The following LIPA variants were observed in gnomAD, a reference collection of about 807,000 sequenced individuals.
The protein encoded by LIPA is lysosomal acid lipase/cholesteryl ester hydrolase.
LIPA carries 26 observed loss-of-function variants against 40.6 expected under a neutral mutation model. The ratio of observed to expected loss-of-function variants is 0.64; its 90% CI spans 0.47 to 0.89. The LOEUF (loss-of-function observed/expected upper bound fraction) is 0.89. LIPA is among the 40% of genes least tolerant of loss of function. The pLI is 0.00. For missense variants in LIPA, 455 were observed against 479.6 expected, an observed-to-expected ratio of 0.95 and a Z score of 0.48; for synonymous variants, 188 against 168.4, an observed-to-expected ratio of 1.12 and a Z score of -0.90.
At chr10:89,412,533 G>T (rs1207208050) in intron 2 of LIPA, 1 of 180,214 alleles carries the variant, frequency 5.5e-6, no homozygotes, top group African/African-American at 2.4e-5. Flanking sequence ...ACCTGCTCGG[G>T]TCTGCTTCCA....
At position 89,304,994 on chromosome 10, in the gene LIPA, C is replaced by CA. The variant is rs199712421; in HGVS notation, c.-2+37616dup. On this transcript the variant is annotated intron_variant, in intron 1 of 5. Transcript: ENST00000282673. ...AACCCAGAAGAGAAAAATAAAATTT[C>CA]AAAAAAAAAATTAAAACAATAAAGT... Among the ~76,000 whole-genome samples, 51 of 123,592 alleles carry CA rather than the reference C, an allele frequency of 4.1e-4. 1 individual carries two copies. The highest frequency in any genetic ancestry group is 2.3e-3 in the Admixed American group (28 of 12,228). 81.1% of individuals were successfully genotyped at this position (123,592 alleles called of 152,430 possible). A position where few individuals can be genotyped will look rare whatever the true frequency, so the allele number is the denominator to read the frequency against.
intron 2 of LIPA, among the ~76,000 whole-genome samples, chr10:89,362,085 GTAGAGC>G (rs1844025920): frequency 6.6e-6 from 1 of 151,312 alleles, no homozygotes; most frequent in African/African-American, 2.4e-5. Context: ...TGCATTTTTT[GTAGAGC>G]TAGAGTTTTG....
intron 1 of LIPA, among the ~76,000 whole-genome samples, chr10:89,268,731 C>T (rs1211768676): frequency 2.0e-5 from 3 of 152,110 alleles, no homozygotes; most frequent in Non-Finnish European, 4.4e-5. Flanking sequence ...TTTAAAAATG[C>T]TTCCCAGCAC....
chr10:89,412,651 G>T (rs1056899043), intron 2 of LIPA: 1 of 343,962 alleles, frequency 2.9e-6, no homozygotes, highest in Non-Finnish European at 5.7e-6. Context: ...AAAGGTCTAC[G>T]GCTTTACTCC....
intron 5 of LIPA, 83 bp downstream of exon 5, chr10:89,226,812 C>A (rs1197564855): frequency 1.2e-6 from 1 of 822,608 alleles, no homozygotes; most frequent in Non-Finnish European, 2.1e-6. Flanking sequence ...GAACTAACAT[C>A]TTTTTATATT....
intron 1 of LIPA, among the ~76,000 whole-genome samples, chr10:89,305,257 A>G (rs2133520574): frequency 6.6e-6 from 1 of 152,312 alleles, no homozygotes; most frequent in Non-Finnish European, 1.5e-5. Flanking sequence ...GTTAAAATGG[A>G]AAAATTCACA....
rs116827211 is a variant in LIPA at position 89,214,915 on chromosome 10, T to C, written c.1113A>G (p.Glu371=). 912 of 1,614,092 alleles carry C rather than the reference T, an allele frequency of 5.7e-4. 2 individuals are homozygous for C. The African/African-American group carries it at 9.0e-3, about 16-fold the overall frequency. ...TNLVFHESIP[E]WEHLDFIWGL... ...CCCAAATGAAGTCAAGATGCTCCCATTCCGGAATGCTCTCATGGAACACCA... is the reference window on the plus strand; with the variant it reads ...CCCAAATGAAGTCAAGATGCTCCCACTCCGGAATGCTCTCATGGAACACCA... Residue 371 remains glutamate (E), a synonymous_variant, in exon 10 of 10, where the codon GAA becomes GAG. Coordinates refer to ENST00000336233, the MANE Select transcript of LIPA (RefSeq NM_000235.4).
At chr10:89,281,005 C>A (rs1843311563) in intron 1 of LIPA, among the ~76,000 whole-genome samples, 1 of 152,224 alleles carries the variant, frequency 6.6e-6, no homozygotes, top group Non-Finnish European at 1.5e-5. Context: ...ATATTTCCAA[C>A]TATGGTCATG....
chr10:89,262,176 G>A (rs189911155), intron 1 of LIPA, among the ~76,000 whole-genome samples: 15 of 152,224 alleles, frequency 9.9e-5, no homozygotes, highest in Admixed American at 9.8e-4. Flanking sequence ...CTATGGGAAA[G>A]CATACGATTG....
At chr10:89,412,977 C>A (rs1393857779) in intron 1 of LIPA, 1 of 185,376 alleles carries the variant, frequency 5.4e-6, no homozygotes, top group African/African-American at 2.4e-5. Flanking sequence ...CTCAGCATCA[C>A]TTAGCTATAC....
At chr10:89,384,101 G>T (rs760097231) in intron 2 of LIPA, 1 of 1,614,026 alleles carries the variant, frequency 6.2e-7, no homozygotes, top group Admixed American at 1.7e-5. Flanking sequence ...TTTTATCGAA[G>T]AAAAGGGTCT....
chr10:89,239,449 C>T (rs754165187), intron 3 of LIPA, among the ~76,000 whole-genome samples: 1 of 152,240 alleles, frequency 6.6e-6, no homozygotes, highest in Non-Finnish European at 1.5e-5. Flanking sequence ...ACACAGGGCA[C>T]AGCGCTTGGC....
At chr10:89,382,184 T>C (rs1174977724) in intron 2 of LIPA, among the ~76,000 whole-genome samples, 1 of 152,188 alleles carries the variant, frequency 6.6e-6, no homozygotes, top group East Asian at 1.9e-4. Context: ...AGGATTTATA[T>C]AAAAATTGTT....
chr10:89,315,303 T>C (rs992129190), intron 1 of LIPA, among the ~76,000 whole-genome samples: 1 of 152,222 alleles, frequency 6.6e-6, no homozygotes. Context: ...TAACAAATTG[T>C]TAAGTTAAAC....
In LIPA at chr10:89,245,673, T is replaced by C. The variant is rs750405436; in HGVS notation, c.229+3A>G. 1 of 1,484,296 alleles carries C rather than the reference T, an allele frequency of 6.7e-7. No homozygotes were observed. Among genetic ancestry groups the C allele is most frequent in the Admixed American group, 1.7e-5 (1 of 59,854 alleles). The allele number at this position is 1,484,296 out of a possible 1,614,324, so 91.9% of individuals were successfully genotyped here. A position where few individuals can be genotyped will look rare whatever the true frequency, so the allele number is the denominator to read the frequency against. ...GTTTTTACTTTTAAGAGCCTTCCCATACCTTTGTCAGAATGGTTCTTCCTC... is the reference window on the plus strand; with the variant it reads ...GTTTTTACTTTTAAGAGCCTTCCCACACCTTTGTCAGAATGGTTCTTCCTC... On this transcript the variant is annotated splice_donor_region_variant and intron_variant, in intron 3 of 9. Transcript: ENST00000336233.
chr10:89,294,592 A>G (rs1403923286), intron 1 of LIPA, among the ~76,000 whole-genome samples: 1 of 152,246 alleles, frequency 6.6e-6, no homozygotes, highest in African/African-American at 2.4e-5. Flanking sequence ...CACATTGGGG[A>G]TCAAGTTTCC....
chr10:89,307,189 G>A, intron 1 of LIPA: 1 of 1,613,984 alleles, frequency 6.2e-7, no homozygotes, highest in Non-Finnish European at 8.5e-7. Flanking sequence ...AAGAAAAGAT[G>A]AAAGACAAAC....
intron 1 of LIPA, among the ~76,000 whole-genome samples, chr10:89,282,357 G>A (rs1301819936): frequency 6.6e-6 from 1 of 152,142 alleles, no homozygotes; most frequent in Non-Finnish European, 1.5e-5. Flanking sequence ...GATACTTTTG[G>A]CCGGGCATGG....
Position 89,243,605 on chromosome 10 carries a change from G to A in LIPA, c.229+2071C>T, listed in dbSNP as rs571036559. Among the ~76,000 whole-genome samples, 496 of 146,818 alleles carry A rather than the reference G, an allele frequency of 3.4e-3. 1 individual carries two copies. Among genetic ancestry groups the A allele is most frequent in the African/African-American group, 0.012 (470 of 39,812 alleles). Reference sequence around the variant, plus strand: ...TCCCACAGAGGTTAAAAAAAAAAAAGAAAAAACAAAGCACACAAGAAGTCA... The same window carrying A: ...TCCCACAGAGGTTAAAAAAAAAAAAAAAAAAACAAAGCACACAAGAAGTCA... On this transcript the variant is annotated intron_variant, in intron 3 of 9. Coordinates refer to ENST00000336233, the MANE Select transcript of LIPA (RefSeq NM_000235.4).
Sources: gnomAD v4.1 joint callset for allele counts (sites outside exome capture counted in the v4.1 genomes callset) on GRCh38, gnomAD v4.1.1 for gene constraint, MANE v1.5 for transcripts, NCBI Gene and HGNC (gene_info 2026-07-23, HGNC 2026-07-21) for gene names.